The following NBEAL1 variants were observed in gnomAD, a reference collection of about 807,000 sequenced individuals.
The protein encoded by NBEAL1 is neurobeachin-like protein 1.
A neutral mutation model predicts 351.3 loss-of-function variants in NBEAL1; 273 were observed. The observed-to-expected ratio is 0.78, with a 90% CI of 0.70 to 0.86. NBEAL1 has a LOEUF of 0.86. Among genes scored for constraint, NBEAL1 ranks in the 40% least tolerant of loss-of-function variants. The probability of loss-of-function intolerance (pLI) is 0.00; values close to 1 mark genes in which losing one functional copy is unlikely to be tolerated. For synonymous variants in NBEAL1, 1,050 were observed against 1,086.4 expected (o/e 0.97, Z 0.66); for missense variants, 2,961 against 3,201.3 (o/e 0.92, Z 1.81).
At chr2:203,076,845 G>C (rs1402577553) in intron 7 of NBEAL1, among the ~76,000 whole-genome samples, 1 of 151,650 alleles carries the variant, frequency 6.6e-6, no homozygotes, top group African/African-American at 2.4e-5. Context: ...GCCTGCCTCG[G>C]CCTCCCAAAG....
intron 8 of NBEAL1, among the ~76,000 whole-genome samples, chr2:203,079,973 G>A (rs1430318489): frequency 1.3e-5 from 2 of 152,200 alleles, no homozygotes; most frequent in African/African-American, 2.4e-5. Context: ...TCTGTTTGGA[G>A]ATTTGAGAGA....
intron 18 of NBEAL1, among the ~76,000 whole-genome samples, chr2:203,118,965 A>ATT (rs34515211): frequency 2.7e-5 from 4 of 147,322 alleles, no homozygotes; most frequent in Admixed American, 6.8e-5. Context: ...TTAAAGTTGG[A>ATT]TTTTTTTTTT....
chr2:203,142,105 A>G (rs1243208990), intron 31 of NBEAL1, among the ~76,000 whole-genome samples: 2 of 152,174 alleles, frequency 1.3e-5, no homozygotes, highest in African/African-American at 2.4e-5. Flanking sequence ...ATACCTATGT[A>G]GGGCATCACC....
At chr2:203,065,915 A>T (rs1003614715) in intron 6 of NBEAL1, among the ~76,000 whole-genome samples, 23 of 152,226 alleles carry the variant, frequency 1.5e-4, no homozygotes, top group African/African-American at 5.5e-4. Flanking sequence ...TGGAGCAATT[A>T]ACTATGCTAT....
intron 46 of NBEAL1, 120 bp downstream of exon 46, chr2:203,190,509 TTC>T (rs760680908): frequency 4.7e-5 from 37 of 791,948 alleles, no homozygotes; most frequent in Non-Finnish European, 7.1e-5. Context: ...ACAGAAAGAT[TTC>T]TGTTTGCTCA....
rs1042575520 is a variant in NBEAL1 at position 203,224,369 on chromosome 2, G to C, written c.*7015G>C. Among the ~76,000 whole-genome samples, 5 of 152,032 alleles carry C rather than the reference G, an allele frequency of 3.3e-5. No homozygotes were observed. The highest frequency in any genetic ancestry group is 7.4e-5 in the Non-Finnish European group (5 of 67,940). On this transcript the variant is annotated 3_prime_UTR_variant, in exon 56 of 56. Transcript: ENST00000683969. Reference sequence around the variant, plus strand: ...ATTCCTCCAGTTGTTTGCTTTTATAGACTTGGAGCAAAAAATATAGCAAAA... The same window carrying C: ...ATTCCTCCAGTTGTTTGCTTTTATACACTTGGAGCAAAAAATATAGCAAAA...
intron 2 of NBEAL1, chr2:203,040,814 A>G (rs2061128345): frequency 6.0e-6 from 3 of 502,640 alleles, no homozygotes; most frequent in Non-Finnish European, 3.8e-6. Context: ...CTATATACCA[A>G]AAATATAGTG....
intron 41 of NBEAL1, among the ~76,000 whole-genome samples, chr2:203,174,798 G>A (rs1253348065): frequency 6.6e-5 from 10 of 151,846 alleles, no homozygotes; most frequent in African/African-American, 1.9e-4. Context: ...GGCTGAGGCA[G>A]GAGAATGATG....
chr2:203,065,296 T>C (rs1371911264), intron 6 of NBEAL1, among the ~76,000 whole-genome samples: 1 of 152,168 alleles, frequency 6.6e-6, no homozygotes. Flanking sequence ...GTGTTAACAG[T>C]GAACTTGGGT....
At chr2:203,104,400 T>G (rs1032113285) in intron 12 of NBEAL1, among the ~76,000 whole-genome samples, 4 of 152,224 alleles carry the variant, frequency 2.6e-5, no homozygotes, top group African/African-American at 4.8e-5. Flanking sequence ...GGTTGATTTT[T>G]CTCCATTCCT....
intron 7 of NBEAL1, among the ~76,000 whole-genome samples, chr2:203,072,483 A>C (rs1258310276): frequency 6.6e-6 from 1 of 151,894 alleles, no homozygotes; most frequent in Admixed American, 6.6e-5. Flanking sequence ...TGTGCTTAAC[A>C]GTTTCTTCTT....
chr2:203,036,901 C>T (rs951522234), intron 2 of NBEAL1, among the ~76,000 whole-genome samples: 4 of 148,958 alleles, frequency 2.7e-5, no homozygotes, highest in African/African-American at 9.8e-5. Flanking sequence ...AGGTAATTCT[C>T]TGCTGTATCG....
rs556971827 is a variant in NBEAL1 at position 203,183,253 on chromosome 2, A to G, written c.6596-26A>G. 140 of 1,212,574 alleles carry G rather than the reference A, an allele frequency of 1.2e-4. 2 individuals are homozygous for G. The South Asian group carries it at 1.8e-3, about 16-fold the overall frequency. 75.1% of individuals were successfully genotyped at this position (1,212,574 alleles called of 1,614,324 possible). The stretch of plus-strand genomic sequence containing the variant: ...GTTTATTATAATCTAAAATGATTTG[A>G]TACATTTTCTTTTTACATGTCTTAG... On this transcript the variant is annotated intron_variant, in intron 43 of 55. Coordinates refer to ENST00000683969, the MANE Select transcript of NBEAL1 (RefSeq NM_001378026.1).
chr2:203,110,256 G>C lies in NBEAL1; in HGVS notation c.2056G>C (p.Asp686His). Residue 686 changes from aspartate (D) to histidine (H), a missense_variant, in exon 15 of 56, where the codon GAC becomes CAC. By Grantham distance (81) the Asp-to-His change is moderately conservative (BLOSUM62 -1). Coordinates refer to ENST00000683969, the MANE Select transcript of NBEAL1 (RefSeq NM_001378026.1). ...AGAATATGCAACGGTTATGCTTCCT[G>C]ACCACAGTTTCTGTGATTCCCTCTG... ...KREYATVMLP[D>H]HSFCDSLWHN... The C allele has an allele frequency of 6.4e-7, 1 of 1,552,494 alleles. No homozygotes were observed. The highest frequency in any genetic ancestry group is 1.2e-5 in the South Asian group (1 of 84,046).
At chr2:203,071,078 A>T (rs2061674415) in intron 7 of NBEAL1, among the ~76,000 whole-genome samples, 1 of 152,070 alleles carries the variant, frequency 6.6e-6, no homozygotes, top group African/African-American at 2.4e-5. Flanking sequence ...CATTTGATTG[A>T]TTTTTTGTTT....
chr2:203,089,214 C>T (rs546310114), intron 10 of NBEAL1, among the ~76,000 whole-genome samples: 1 of 152,138 alleles, frequency 6.6e-6, no homozygotes, highest in East Asian at 1.9e-4. Flanking sequence ...CAAAAATTAG[C>T]CAGGCATAGT....
At chr2:203,171,125 GT>G (rs1314218886) in intron 39 of NBEAL1, among the ~76,000 whole-genome samples, 1 of 152,074 alleles carries the variant, frequency 6.6e-6, no homozygotes, top group Non-Finnish European at 1.5e-5. Flanking sequence ...GGGCATGGTG[GT>G]GGGTGCCTGT....
At chr2:203,111,614 C>A (rs1180910538) in intron 15 of NBEAL1, among the ~76,000 whole-genome samples, 1 of 152,068 alleles carries the variant, frequency 6.6e-6, no homozygotes, top group Non-Finnish European at 1.5e-5. Context: ...CGCCCACCTC[C>A]CAGAGTGCTG....
In NBEAL1 at chr2:203,110,716, T is replaced by A. The variant is rs6747197; in HGVS notation, c.2082+434T>A. Reference sequence around the variant, plus strand: ...AAATAAATAAATAAATAAATAAATATATAGAACGTTAGGATGTCTTAAGGT... The same window carrying A: ...AAATAAATAAATAAATAAATAAATAAATAGAACGTTAGGATGTCTTAAGGT... On this transcript the variant is annotated intron_variant, in intron 15 of 55. Transcript: ENST00000683969. 1.8e-3 allele frequency among the ~76,000 whole-genome samples: 135 copies of A among 73,744 alleles called. 1 individual carries two copies. The highest frequency in any genetic ancestry group is 5.3e-3 in the African/African-American group (127 of 23,878). The allele number at this position is 73,744 out of a possible 152,430, so 48.4% of individuals were successfully genotyped here.
Sources: allele counts gnomAD v4.1 joint callset (sites outside exome capture counted in the v4.1 genomes callset), GRCh38; gene constraint gnomAD v4.1.1; transcripts MANE v1.5; gene names NCBI Gene and HGNC (gene_info 2026-07-23, HGNC 2026-07-21).